The following NCAM1 variants were observed in gnomAD, a reference collection of about 807,000 sequenced individuals.
NCAM1 encodes antigen recognized by monoclonal antibody 5.1H11.
Under a neutral mutation model 109.8 loss-of-function variants are expected in NCAM1, and 14 were observed. That is an observed-to-expected ratio of 0.13 (90% CI 0.08 to 0.20). The LOEUF is 0.20. NCAM1 is among the 10% of genes least tolerant of loss of function. The pLI, the probability that NCAM1 is intolerant of heterozygous loss-of-function variation, is 1.00. For missense variants in NCAM1, 774 were observed against 1,109.9 expected, an observed-to-expected ratio of 0.70 and a Z score of 4.30; for synonymous variants, 418 against 442.9, an observed-to-expected ratio of 0.94 and a Z score of 0.70.
intron 1 of NCAM1, among the ~76,000 whole-genome samples, chr11:113,009,332 T>TTTTTTTTTTTTTTTA (rs1951980799): frequency 8.7e-6 from 1 of 115,042 alleles, no homozygotes; most frequent in East Asian, 2.5e-4. Context: ...TTTTTTTTTT[T>TTTTTTTTTTTTTTTA]TTTTTTTTTA....
intron 1 of NCAM1, among the ~76,000 whole-genome samples, chr11:112,971,511 G>T (rs1950881844): frequency 6.6e-6 from 1 of 152,060 alleles, no homozygotes; most frequent in African/African-American, 2.4e-5. Flanking sequence ...TAACGACAGG[G>T]TGTGAAAAAA....
At chr11:113,170,258 A>G (rs896010593) in intron 1 of NCAM1, among the ~76,000 whole-genome samples, 12 of 152,180 alleles carry the variant, frequency 7.9e-5, no homozygotes, top group Non-Finnish European at 1.2e-4. Flanking sequence ...TACCAAGTCA[A>G]TAGACCTCTT....
At chr11:113,069,427 G>A (rs1436856131) in intron 1 of NCAM1, among the ~76,000 whole-genome samples, 4 of 152,134 alleles carry the variant, frequency 2.6e-5, no homozygotes, top group African/African-American at 4.8e-5. Flanking sequence ...AGGGCAAGGG[G>A]TGTTGTAGGA....
At chr11:112,978,466 A>C (rs987702233) in intron 1 of NCAM1, among the ~76,000 whole-genome samples, 1 of 151,770 alleles carries the variant, frequency 6.6e-6, no homozygotes, top group Non-Finnish European at 1.5e-5. Flanking sequence ...GTTGAATGTA[A>C]ACATTGAGAA....
At chr11:113,242,706 A>T in intron 14 of NCAM1, 1 of 1,015,850 alleles carries the variant, frequency 9.8e-7, no homozygotes, top group Non-Finnish European at 1.6e-6. Flanking sequence ...TATAATATAT[A>T]CTCACCCATG....
intron 1 of NCAM1, among the ~76,000 whole-genome samples, chr11:113,134,312 A>AT (rs112693539): frequency 2.4e-4 from 36 of 151,746 alleles, no homozygotes; most frequent in African/African-American, 5.1e-4. Flanking sequence ...ATGTAACCGG[A>AT]TTTTTTTTCG....
intron 8 of NCAM1, among the ~76,000 whole-genome samples, chr11:113,220,470 A>G (rs1204259002): frequency 6.6e-6 from 1 of 152,176 alleles, no homozygotes; most frequent in African/African-American, 2.4e-5. Flanking sequence ...CTTTTTGGCA[A>G]TAAAAATTTG....
intron 15 of NCAM1, among the ~76,000 whole-genome samples, chr11:113,253,866 C>G (rs762266448): frequency 6.6e-6 from 1 of 152,180 alleles, no homozygotes; most frequent in Non-Finnish European, 1.5e-5. Flanking sequence ...GGGTCATCAA[C>G]CATTCCAGTT....
intron 9 of NCAM1, 23 bp downstream of exon 9, chr11:113,221,348 C>T (rs1311858261): frequency 6.4e-7 from 1 of 1,565,322 alleles, no homozygotes; most frequent in African/African-American, 1.4e-5. Flanking sequence ...TGACCACTAG[C>T]CAGTCTTTAG....
intron 1 of NCAM1, among the ~76,000 whole-genome samples, chr11:112,973,230 T>C (rs1247665301): frequency 6.6e-6 from 1 of 152,162 alleles, no homozygotes; most frequent in African/African-American, 2.4e-5. Flanking sequence ...GATTGATTAC[T>C]TTTCTAATGT....
At chr11:113,236,447 C>T in intron 14 of NCAM1, 2 of 932,986 alleles carry the variant, frequency 2.1e-6, no homozygotes, top group Non-Finnish European at 1.7e-6. Context: ...GGGCCCTAAC[C>T]ACACTGACCT....
At chr11:113,107,919 A>G (rs1261743735) in intron 1 of NCAM1, among the ~76,000 whole-genome samples, 1 of 152,322 alleles carries the variant, frequency 6.6e-6, no homozygotes, top group Non-Finnish European at 1.5e-5. Flanking sequence ...TTAAACCTGC[A>G]TTATCCTTTT....
chr11:112,981,142 T>C (rs1951144810), intron 1 of NCAM1, among the ~76,000 whole-genome samples: 1 of 151,892 alleles, frequency 6.6e-6, no homozygotes. Context: ...TATGCATTGA[T>C]TGTCAATCTC....
intron 8 of NCAM1, among the ~76,000 whole-genome samples, chr11:113,220,972 T>C (rs146110726): frequency 2.0e-3 from 308 of 152,242 alleles, no homozygotes; most frequent in African/African-American, 6.7e-3. Flanking sequence ...TGTCACCAAA[T>C]ACTATGAGCA....
intron 1 of NCAM1, among the ~76,000 whole-genome samples, chr11:113,065,382 G>A (rs1408857258): frequency 2.0e-5 from 3 of 152,066 alleles, no homozygotes; most frequent in African/African-American, 7.2e-5. Context: ...TCCTTAAGTG[G>A]GGCTTTGCAT....
intron 1 of NCAM1, among the ~76,000 whole-genome samples, chr11:113,126,163 A>C (rs1385917885): frequency 6.6e-5 from 10 of 151,886 alleles, no homozygotes; most frequent in African/African-American, 2.4e-4. Context: ...CTCAAAAAAA[A>C]AAAAAAATAG....
intron 1 of NCAM1, among the ~76,000 whole-genome samples, chr11:113,124,563 T>C (rs1489837412): frequency 6.6e-6 from 1 of 152,226 alleles, no homozygotes; most frequent in East Asian, 1.9e-4. Context: ...TCTGAATTCT[T>C]TGCTTTTAGT....
At position 113,235,135 on chromosome 11, in the gene NCAM1, C is replaced by T. The variant is rs117485712; in HGVS notation, c.1796C>T (p.Ala599Val). Residue 599 changes from alanine (A) to valine (V), a missense_variant, in exon 14 of 20, where the codon GCG (alanine) becomes GTG (valine). Ala to Val is a moderately conservative substitution (Grantham distance 64). Around this residue, in one of 4 missense-constraint regions of NCAM1, gnomAD observed 523 missense variants for 784.2 expected, o/e 0.67. Transcript: ENST00000316851. ...LNGKGLGEISAASEFKTQPVQ... is the reference protein window; with the variant it reads ...LNGKGLGEISVASEFKTQPVQ... ...GGCAAAGGGCTGGGTGAGATCAGCG[C>T]GGCCTCCGAGTTCAAGACGCAGCCA... 7.6e-4 allele frequency: 1,231 copies of T among 1,613,272 alleles called. 11 individuals are homozygous for T. In the East Asian group the frequency reaches 0.02, roughly 26 times the overall value.
chr11:113,243,740 GA>G (rs1427375507), intron 14 of NCAM1: 26 of 301,240 alleles, frequency 8.6e-5, no homozygotes, highest in South Asian at 2.3e-4. Context: ...TGCTTGCACA[GA>G]AAAAAAATGG....
Sources: allele counts gnomAD v4.1 joint callset (sites outside exome capture counted in the v4.1 genomes callset), GRCh38; gene constraint gnomAD v4.1.1; regional missense constraint gnomAD v4.1.1; transcripts MANE v1.5; gene names NCBI Gene and HGNC (gene_info 2026-07-23, HGNC 2026-07-21).